The following CAMKMT variants were observed in gnomAD, a reference collection of about 807,000 sequenced individuals.
The protein encoded by CAMKMT is CaM KMT.
CAMKMT carries 53 observed loss-of-function variants against 48.0 expected under a neutral mutation model. The ratio of observed to expected loss-of-function variants is 1.10; its 90% CI spans 0.89 to 1.39. CAMKMT has a LOEUF of 1.39. CAMKMT is among the 40% of genes most tolerant of loss of function. The pLI, the probability that CAMKMT is intolerant of heterozygous loss-of-function variation, is 0.00. For missense variants in CAMKMT, 428 were observed against 402.7 expected, an observed-to-expected ratio of 1.06 and a Z score of -0.54; for synonymous variants, 165 against 152.3, an observed-to-expected ratio of 1.08 and a Z score of -0.61.
chr2:44,499,682 T>G (rs114855898), intron 3 of CAMKMT, among the ~76,000 whole-genome samples: 1,905 of 152,330 alleles, frequency 0.013, 47 homozygotes, highest in African/African-American at 0.044. Flanking sequence ...CTAATATTAC[T>G]TGGGGTATCC....
At chr2:44,708,402 T>C (rs1677683750) in intron 6 of CAMKMT, among the ~76,000 whole-genome samples, 2 of 151,838 alleles carry the variant, frequency 1.3e-5, no homozygotes, top group African/African-American at 4.8e-5. Flanking sequence ...TGCAGCAGCT[T>C]CATCAAGCTG....
At chr2:44,407,084 G>A (rs1682832862) in intron 3 of CAMKMT, among the ~76,000 whole-genome samples, 1 of 152,182 alleles carries the variant, frequency 6.6e-6, no homozygotes, top group Non-Finnish European at 1.5e-5. Flanking sequence ...ATTAGTGTAG[G>A]AGATTAAGTC....
At position 44,462,864 on chromosome 2, in the gene CAMKMT, T is replaced by C. The variant is rs187942609; in HGVS notation, c.376+72559T>C. On this transcript the variant is annotated intron_variant, in intron 3 of 10. Coordinates refer to ENST00000378494, the MANE Select transcript of CAMKMT (RefSeq NM_024766.5). ...TCCTTGCACTTTGTTAAAGAAACTA[T>C]TGTTCTGTAGGTTTTCCTGTAGAGT... Among the ~76,000 whole-genome samples, 126 of 152,342 alleles carry C rather than the reference T, an allele frequency of 8.3e-4. 3 individuals are homozygous for C. The highest frequency in any genetic ancestry group is 8.4e-4 in the Non-Finnish European group (57 of 68,030).
chr2:44,689,418 C>T (rs1413033787), intron 3 of CAMKMT, among the ~76,000 whole-genome samples: 1 of 151,794 alleles, frequency 6.6e-6, no homozygotes, highest in Non-Finnish European at 1.5e-5. Flanking sequence ...CCTGCCTCAG[C>T]CTCCCTGTAA....
At chr2:44,714,507 A>G (rs994298407) in intron 6 of CAMKMT, among the ~76,000 whole-genome samples, 4 of 151,932 alleles carry the variant, frequency 2.6e-5, no homozygotes, top group African/African-American at 9.7e-5. Context: ...TCAGTAATTC[A>G]TTTTCTCTCA....
chr2:44,511,281 A>G (rs1572683303), intron 3 of CAMKMT, among the ~76,000 whole-genome samples: 1 of 152,206 alleles, frequency 6.6e-6, no homozygotes, highest in Non-Finnish European at 1.5e-5. Flanking sequence ...GCTGCAAAGG[A>G]CATTATTTCA....
Position 44,753,441 on chromosome 2 carries a change from G to GA in CAMKMT, c.699-606dup, listed in dbSNP as rs372145641. On this transcript the variant is annotated intron_variant, in intron 8 of 10. Transcript: ENST00000378494. ...AAAGAAAGAAAGAAAACAAAGAAAA[G>GA]AAAAAAAACAAAAAATCAATGTAGA... is the stretch of plus-strand genomic sequence containing the variant. Among the ~76,000 whole-genome samples the GA allele has an allele frequency of 1.3e-3, 200 of 150,104 alleles. 1 individual carries two copies. The highest frequency in any genetic ancestry group is 4.7e-3 in the African/African-American group (191 of 40,918).
chr2:44,631,401 A>G (rs1247942929), intron 3 of CAMKMT: 1 of 502,998 alleles, frequency 2.0e-6, no homozygotes. Flanking sequence ...GTATAATAAT[A>G]ATAATAGTAA....
At chr2:44,714,711 G>A (rs1192374395) in intron 6 of CAMKMT, among the ~76,000 whole-genome samples, 3 of 152,124 alleles carry the variant, frequency 2.0e-5, no homozygotes, top group African/African-American at 7.2e-5. Context: ...TTTTAAGCAA[G>A]TAGGACATGG....
intron 1 of CAMKMT, among the ~76,000 whole-genome samples, chr2:44,368,989 A>G (rs765188727): frequency 6.6e-6 from 1 of 152,098 alleles, no homozygotes; most frequent in Non-Finnish European, 1.5e-5. Context: ...AGGCTCAAGC[A>G]GTTCTCGTGC....
chr2:44,761,168 G>A (rs1680600856), intron 9 of CAMKMT, among the ~76,000 whole-genome samples: 1 of 152,212 alleles, frequency 6.6e-6, no homozygotes, highest in Non-Finnish European at 1.5e-5. Flanking sequence ...GCGTCACAAG[G>A]GCAGGGAGTC....
chr2:44,387,185 T>A (rs922079977), intron 2 of CAMKMT, among the ~76,000 whole-genome samples: 4 of 152,184 alleles, frequency 2.6e-5, no homozygotes, highest in African/African-American at 7.2e-5. Context: ...GTTTTATAAA[T>A]TTGGGAGCTC....
intron 3 of CAMKMT, among the ~76,000 whole-genome samples, chr2:44,432,452 G>C (rs1430897270): frequency 6.6e-6 from 1 of 152,178 alleles, no homozygotes; most frequent in Non-Finnish European, 1.5e-5. Context: ...GAAAAGCAAT[G>C]CCCCTGGGTC....
chr2:44,503,802 C>T (rs769051502), intron 3 of CAMKMT, among the ~76,000 whole-genome samples: 1 of 152,182 alleles, frequency 6.6e-6, no homozygotes, highest in African/African-American at 2.4e-5. Flanking sequence ...ATTTCTCACA[C>T]TTCTGGAGGC....
At chr2:44,639,904 G>C (rs559367851) in intron 3 of CAMKMT, among the ~76,000 whole-genome samples, 1 of 152,140 alleles carries the variant, frequency 6.6e-6, no homozygotes, top group Non-Finnish European at 1.5e-5. Flanking sequence ...TTATGTTTTG[G>C]ATTGTCAGAA....
At chr2:44,382,363 T>C (rs907541621) in intron 2 of CAMKMT, among the ~76,000 whole-genome samples, 1 of 152,198 alleles carries the variant, frequency 6.6e-6, no homozygotes, top group Non-Finnish European at 1.5e-5. Context: ...AAAGAATCAT[T>C]ATGTTATTAT....
rs117551432 is a variant in CAMKMT, at chr2:44,743,934, G to A, written c.698+238G>A. ...ATTTTGAGAAGCATTTCCATTTTCT[G>A]GAATTGCCTCTGTTTCATGCTTGAC... On this transcript the variant is annotated intron_variant, in intron 8 of 10. Transcript: ENST00000378494. Among the ~76,000 whole-genome samples, 86 of 152,274 alleles carry A rather than the reference G, an allele frequency of 5.6e-4. 2 individuals are homozygous for A. In the East Asian group the frequency reaches 0.015, roughly 27 times the overall value.
chr2:44,607,285 A>G lies in CAMKMT; in HGVS notation c.377-96998A>G, dbSNP rs545437223. 6.6e-5 allele frequency among the ~76,000 whole-genome samples: 10 copies of G among 152,318 alleles called. No individual in the cohort carries two copies. In the South Asian group the frequency reaches 2.1e-3, roughly 32 times the overall value. On this transcript the variant is annotated intron_variant, in intron 3 of 10. Coordinates refer to ENST00000378494, the MANE Select transcript of CAMKMT (RefSeq NM_024766.5). ...TTCCTCATGTTTTCTATCATCTCCA[A>G]TAACATTAAAATGTTTATCACAGTG... is the stretch of plus-strand genomic sequence containing the variant.
At chr2:44,545,018 C>A (rs552496813) in intron 3 of CAMKMT, among the ~76,000 whole-genome samples, 1 of 152,216 alleles carries the variant, frequency 6.6e-6, no homozygotes, top group African/African-American at 2.4e-5. Flanking sequence ...ATACACTGGT[C>A]CAAACAGCAA....
Sources: allele counts gnomAD v4.1 joint callset (sites outside exome capture counted in the v4.1 genomes callset), GRCh38; gene constraint gnomAD v4.1.1; transcripts MANE v1.5; gene names NCBI Gene and HGNC (gene_info 2026-07-23, HGNC 2026-07-21).